Variants in KIAA0319 observed in about 807,000 individuals in gnomAD.
The protein encoded by KIAA0319 is dyslexia-associated protein KIAA0319.
A neutral mutation model predicts 108.4 loss-of-function variants in KIAA0319; 83 were observed. The ratio of observed to expected loss-of-function variants is 0.77; its 90% CI spans 0.64 to 0.92. The LOEUF (loss-of-function observed/expected upper bound fraction) is 0.92. KIAA0319 is among the 40% of genes least tolerant of loss of function. The pLI, the probability that KIAA0319 is intolerant of heterozygous loss-of-function variation, is 0.00. For synonymous variants in KIAA0319, 484 were observed against 510.4 expected (o/e 0.95, Z 0.70); for missense variants, 1,195 against 1,322.4 (o/e 0.90, Z 1.49).
At chr6:24,611,911 C>CATA (rs2127554685) in intron 1 of KIAA0319, among the ~76,000 whole-genome samples, 1 of 151,904 alleles carries the variant, frequency 6.6e-6, no homozygotes, top group African/African-American at 2.4e-5. Context: ...ATTAGTGTGG[C>CATA]ATAGTGATAT....
chr6:24,642,775 G>A (rs947381117), intron 1 of KIAA0319, among the ~76,000 whole-genome samples: 1 of 151,736 alleles, frequency 6.6e-6, no homozygotes, highest in African/African-American at 2.4e-5. Context: ...CTGGAGTGCA[G>A]TGAGGCAATC....
At chr6:24,580,387 G>A (rs895880133) in intron 7 of KIAA0319, among the ~76,000 whole-genome samples, 1 of 145,868 alleles carries the variant, frequency 6.9e-6, no homozygotes, top group African/African-American at 2.5e-5. Context: ...GTGGGTACAA[G>A]GGAGGTTCAC....
intron 1 of KIAA0319, among the ~76,000 whole-genome samples, chr6:24,638,876 A>G (rs1036480894): frequency 1.3e-5 from 2 of 152,240 alleles, no homozygotes; most frequent in Non-Finnish European, 2.9e-5. Context: ...CCTGTATTGT[A>G]TACTTGAAAT....
intron 12 of KIAA0319, among the ~76,000 whole-genome samples, chr6:24,569,481 T>G (rs1362238688): frequency 6.6e-6 from 1 of 152,234 alleles, no homozygotes; most frequent in African/African-American, 2.4e-5. Context: ...AATAATATTC[T>G]TATTTATCTC....
In KIAA0319 at chr6:24,625,001, G is replaced by A. The variant is rs558828304; in HGVS notation, c.-106+20735C>T. On this transcript the variant is annotated intron_variant, in intron 1 of 20. Coordinates refer to ENST00000378214, the MANE Select transcript of KIAA0319 (RefSeq NM_014809.4). ...GATGGCTTGAGTCCAGGAGTTCAAGGCTACAGTGAGCTATAGCTGCACCAC... is the reference window on the plus strand; with the variant it reads ...GATGGCTTGAGTCCAGGAGTTCAAGACTACAGTGAGCTATAGCTGCACCAC... 6.6e-5 allele frequency among the ~76,000 whole-genome samples: 10 copies of A among 152,318 alleles called. 1 individual carries two copies. In the East Asian group the frequency reaches 1.9e-3, roughly 29 times the overall value.
At chr6:24,621,648 G>A (rs997053235) in intron 1 of KIAA0319, among the ~76,000 whole-genome samples, 1 of 152,094 alleles carries the variant, frequency 6.6e-6, no homozygotes, top group African/African-American at 2.4e-5. Flanking sequence ...AGGCAAACAG[G>A]ACATAAGAAC....
In KIAA0319 at chr6:24,621,882, C is replaced by T. The variant is rs148840141; in HGVS notation, c.-105-20674G>A. 5.3e-3 allele frequency among the ~76,000 whole-genome samples: 801 copies of T among 152,238 alleles called. 7 individuals carry two copies. The highest frequency in any genetic ancestry group is 0.014 in the Middle Eastern group (4 of 292). On this transcript the variant is annotated intron_variant, in intron 1 of 20. Transcript: ENST00000378214. ...GCCAATGGATGCAAAGAGACAGAACCGGCCAAGGCACAATCGTTGGGGTGA... is the reference window on the plus strand; with the variant it reads ...GCCAATGGATGCAAAGAGACAGAACTGGCCAAGGCACAATCGTTGGGGTGA...
At position 24,625,129 on chromosome 6, in the gene KIAA0319, T is replaced by A. The variant is rs1249052034; in HGVS notation, c.-106+20607A>T. On this transcript the variant is annotated intron_variant, in intron 1 of 20. Coordinates refer to ENST00000378214, the MANE Select transcript of KIAA0319 (RefSeq NM_014809.4). ...AGTACCCCATAACTTCTGTTTTTTT[T>A]ATTTCTATAAAATTGTCTGCCAAAT... Among the ~76,000 whole-genome samples the A allele has an allele frequency of 1.3e-5, 2 of 152,236 alleles. 1 individual carries two copies. Among genetic ancestry groups the A allele is most frequent in the East Asian group, 3.8e-4 (2 of 5,202 alleles).
intron 1 of KIAA0319, among the ~76,000 whole-genome samples, chr6:24,606,589 A>G (rs992404577): frequency 3.3e-5 from 5 of 152,254 alleles, no homozygotes; most frequent in Non-Finnish European, 5.9e-5. Context: ...ATGAGGCTCA[A>G]GGATAAGATG....
At chr6:24,605,381 T>TA (rs1771256723) in intron 1 of KIAA0319, among the ~76,000 whole-genome samples, 1 of 152,220 alleles carries the variant, frequency 6.6e-6, no homozygotes, top group South Asian at 2.1e-4. Context: ...CACTGTGGAT[T>TA]ACTTAAGACT....
At chr6:24,625,918 C>A (rs554424880) in intron 1 of KIAA0319, among the ~76,000 whole-genome samples, 1 of 152,186 alleles carries the variant, frequency 6.6e-6, no homozygotes, top group South Asian at 2.1e-4. Flanking sequence ...GAAGTAAAGA[C>A]AACCTAAATG....
At chr6:24,612,443 C>G (rs550083056) in intron 1 of KIAA0319, among the ~76,000 whole-genome samples, 3 of 151,570 alleles carry the variant, frequency 2.0e-5, no homozygotes, top group South Asian at 2.1e-4. Flanking sequence ...AGAGTGAGAC[C>G]CTGTCTACAA....
intron 1 of KIAA0319, among the ~76,000 whole-genome samples, chr6:24,632,154 G>A (rs1562108706): frequency 6.6e-6 from 1 of 152,180 alleles, no homozygotes; most frequent in African/African-American, 2.4e-5. Flanking sequence ...GTAGAATATT[G>A]TCAATTAACA....
chr6:24,626,526 G>C (rs189789002), intron 1 of KIAA0319, among the ~76,000 whole-genome samples: 2 of 151,406 alleles, frequency 1.3e-5, no homozygotes, highest in Non-Finnish European at 2.9e-5. Context: ...AGCAAGACTC[G>C]CTCTCAAAAA....
At chr6:24,565,706 T>C (rs1160584215) in intron 14 of KIAA0319, among the ~76,000 whole-genome samples, 2 of 146,682 alleles carry the variant, frequency 1.4e-5, no homozygotes, top group African/African-American at 2.6e-5. Context: ...TGAGCCGAGA[T>C]TGCGCCACTG....
chr6:24,608,317 G>A (rs1182563960), intron 1 of KIAA0319, among the ~76,000 whole-genome samples: 2 of 151,968 alleles, frequency 1.3e-5, no homozygotes, highest in Non-Finnish European at 1.5e-5. Context: ...AATGTTCTTG[G>A]ACAAATAGTC....
Position 24,599,286 on chromosome 6 carries a change from C to T in KIAA0319, c.55+1763G>A. 1 of 487,428 alleles carries T rather than the reference C, an allele frequency of 2.1e-6. No individual in the cohort carries two copies. The highest frequency in any genetic ancestry group is 3.0e-5 in the Admixed American group (1 of 33,370). The allele number at this position is 487,428 out of a possible 1,614,324, so 30.2% of individuals were successfully genotyped here. A position where few individuals can be genotyped will look rare whatever the true frequency, so the allele number is the denominator to read the frequency against. On this transcript the variant is annotated intron_variant, in intron 2 of 20. Transcript: ENST00000378214. This position sits in a 1 kb window ranked among gnomAD's most constrained non-coding sequence, Gnocchi z 4.1. Reference sequence around the variant, plus strand: ...AAAGATGGAGATCTCTGAGATGAATCAGAACATCAGCCGGCTCCAGACTGA... The same window carrying T: ...AAAGATGGAGATCTCTGAGATGAATTAGAACATCAGCCGGCTCCAGACTGA...
chr6:24,620,344 A>C (rs1773756747), intron 1 of KIAA0319, among the ~76,000 whole-genome samples: 1 of 152,194 alleles, frequency 6.6e-6, no homozygotes, highest in South Asian at 2.1e-4. Context: ...TCTGTCGCCC[A>C]GGCTGAAGTG....
intron 18 of KIAA0319, 76 bp downstream of exon 18, chr6:24,556,531 G>A (rs574985306): frequency 3.2e-4 from 483 of 1,516,536 alleles, no homozygotes; most frequent in Admixed American, 8.8e-4. Context: ...TCGAATATTA[G>A]GCAGATATTT....
Sources: allele counts gnomAD v4.1 joint callset (sites outside exome capture counted in the v4.1 genomes callset), GRCh38; gene constraint gnomAD v4.1.1; non-coding constraint Gnocchi (gnomAD v3.1); transcripts MANE v1.5; gene names NCBI Gene and HGNC (gene_info 2026-07-23, HGNC 2026-07-21).